TJAP1: variants seen among roughly 807,000 people sequenced by gnomAD.
TJAP1 encodes the protein tight junction-associated protein 1.
In TJAP1, 27 loss-of-function variants were observed where a neutral mutation model predicts 42.0. That is an observed-to-expected ratio of 0.64 (90% CI 0.47 to 0.89). The LOEUF (loss-of-function observed/expected upper bound fraction) is 0.89, where lower values mean the gene tolerates loss of function less well. TJAP1 is among the 40% of genes least tolerant of loss of function. The probability of loss-of-function intolerance (pLI) is 0.00; values close to 1 mark genes in which losing one functional copy is unlikely to be tolerated. For synonymous variants in TJAP1, 257 were observed against 288.4 expected (o/e 0.89, Z 1.10); for missense variants, 712 against 726.9 (o/e 0.98, Z 0.24).
chr6:43,505,036 A>G lies in TJAP1; in HGVS notation c.855A>G (p.Pro285=). The G allele has an allele frequency of 6.2e-7, 1 of 1,613,944 alleles. No individual in the cohort carries two copies. The highest frequency in any genetic ancestry group is 8.5e-7 in the Non-Finnish European group (1 of 1,179,966). ...CCCCGGCCCCTGGCAGCCCCACCCC[A>G]CAACCCAATGGGGAGTGCCACTCTC... Residue 285 remains proline (P), a synonymous_variant, in exon 11 of 11, where the codon CCA becomes CCG. Coordinates refer to ENST00000372449, the Ensembl canonical transcript of TJAP1. The surrounding 1 kb of genome is among the most constrained non-coding windows in gnomAD (Gnocchi z 5.5).
At position 43,498,617 on chromosome 6, in the gene TJAP1, A is replaced by G. The variant is rs1169311002; in HGVS notation, c.-24-361A>G. Reference sequence around the variant, plus strand: ...AATTTAGAGTTGAGAAAACTAATGCATAGAGAGCAGTTTTACCTTCTGAGG... The same window carrying G: ...AATTTAGAGTTGAGAAAACTAATGCGTAGAGAGCAGTTTTACCTTCTGAGG... On this transcript the variant is annotated intron_variant, in intron 3 of 10. Transcript: ENST00000372449. Among the ~76,000 whole-genome samples the G allele has an allele frequency of 2.6e-5, 4 of 152,274 alleles. No homozygotes were observed. The South Asian group carries it at 8.3e-4, about 32-fold the overall frequency.
Position 43,501,553 on chromosome 6 carries a change from T to TCGCCGGCGCCTGGCCTCCGC in TJAP1, c.158_177dup (p.Thr60AlafsTer95). The TCGCCGGCGCCTGGCCTCCGC allele has an allele frequency of 1.2e-6, 2 of 1,613,768 alleles. No homozygotes were observed. The highest frequency in any genetic ancestry group is 8.5e-7 in the Non-Finnish European group (1 of 1,180,000). On this transcript the variant is annotated frameshift_variant, in exon 6 of 11. Transcript: ENST00000372449. LOFTEE classifies it high-confidence loss of function. ...TCTTACAGGAGGAGAATGAAGAGCTTCGCCGGCGCCTGGCCTCCGCCACCA... is the reference window on the plus strand; with the variant it reads ...TCTTACAGGAGGAGAATGAAGAGCTTCGCCGGCGCCTGGCCTCCGCCGCCGGCGCCTGGCCTCCGCCACCA...
At chr6:43,488,293 C>T (rs1330840383) in intron 2 of TJAP1, among the ~76,000 whole-genome samples, 1 of 152,176 alleles carries the variant, frequency 6.6e-6, no homozygotes, top group Non-Finnish European at 1.5e-5. Context: ...CTGTTGGAGC[C>T]GCTGAGGAGC....
Position 43,505,498 on chromosome 6 carries a change from C to T in TJAP1, c.1317C>T (p.Leu439=), listed in dbSNP as rs1440712510. 17 of 1,613,918 alleles carry T rather than the reference C, an allele frequency of 1.1e-5. No homozygotes were observed. The highest frequency in any genetic ancestry group is 1.3e-5 in the African/African-American group (1 of 75,048). Reference sequence around the variant, plus strand: ...GCACAGCCTTTGGACGCGATGCCCTCCCTGAGCTGCAGCGCCATTTTGCCC... The same window carrying T: ...GCACAGCCTTTGGACGCGATGCCCTTCCTGAGCTGCAGCGCCATTTTGCCC... The change falls in exon 11 of 11, where the codon CTC becomes CTT. Residue 439 remains leucine, a synonymous_variant. Transcript: ENST00000372449. The surrounding 1 kb of genome is among the most constrained non-coding windows in gnomAD (Gnocchi z 5.5).
rs188925653 is a variant in TJAP1 at position 43,499,474 on chromosome 6, A to G, written c.99+374A>G. Reference sequence around the variant, plus strand: ...TCAACCTGTGGCCCCTTTGGGGCATATCAGGAGGCAGTGCTACAGCCACTT... The same window carrying G: ...TCAACCTGTGGCCCCTTTGGGGCATGTCAGGAGGCAGTGCTACAGCCACTT... On this transcript the variant is annotated intron_variant, in intron 4 of 10. Transcript: ENST00000372449. Among the ~76,000 whole-genome samples the G allele has an allele frequency of 2.3e-3, 347 of 152,336 alleles. 1 individual carries two copies. The highest frequency in any genetic ancestry group is 3.1e-3 in the Admixed American group (48 of 15,308).
At chr6:43,506,226 G>GT (rs577275176) in exon 11 of TJAP1, 216 of 173,856 alleles carry the variant, frequency 1.2e-3, no homozygotes, top group East Asian at 2.2e-3. Flanking sequence ...TTGTTATTTT[G>GT]TTTTTTTTTG....
At chr6:43,502,726 C>G in intron 8 of TJAP1, 109 bp downstream of exon 8, 2 of 1,221,304 alleles carry the variant, frequency 1.6e-6, no homozygotes, top group Non-Finnish European at 2.4e-6. Flanking sequence ...TACACCCGCT[C>G]CTTTCTCTTC....
intron 2 of TJAP1, among the ~76,000 whole-genome samples, chr6:43,479,370 G>GAT (rs1303922814): frequency 3.3e-5 from 5 of 152,222 alleles, no homozygotes; most frequent in Non-Finnish European, 5.9e-5. Flanking sequence ...AAGAACTGAT[G>GAT]ATATGTAGCT....
intron 5 of TJAP1, 47 bp downstream of exon 5, chr6:43,500,819 T>A: frequency 4.4e-6 from 7 of 1,608,716 alleles, no homozygotes; most frequent in Admixed American, 1.7e-5. Flanking sequence ...ACTCTGTCCC[T>A]CTTAGCTCCA....
At chr6:43,488,778 C>CT (rs1001589819) in intron 2 of TJAP1, among the ~76,000 whole-genome samples, 15 of 152,102 alleles carry the variant, frequency 9.9e-5, no homozygotes, top group African/African-American at 3.6e-4. Context: ...GAGTTGTTGT[C>CT]TTTTTTTTCT....
intron 2 of TJAP1, among the ~76,000 whole-genome samples, chr6:43,485,578 C>T (rs1786268902): frequency 6.6e-6 from 1 of 152,194 alleles, no homozygotes; most frequent in Non-Finnish European, 1.5e-5. Flanking sequence ...CAGCTAGGTA[C>T]CTCTCCTCTG....
chr6:43,482,593 G>A (rs1475223667), intron 2 of TJAP1, among the ~76,000 whole-genome samples: 1 of 152,058 alleles, frequency 6.6e-6, no homozygotes, highest in Admixed American at 6.6e-5. Context: ...GCTTCTGTCC[G>A]ATACTTATGC....
At chr6:43,481,426 G>A (rs1015801641) in intron 2 of TJAP1, among the ~76,000 whole-genome samples, 6 of 151,158 alleles carry the variant, frequency 4.0e-5, no homozygotes, top group African/African-American at 1.5e-4. Flanking sequence ...TTGATTAGCC[G>A]TAGTAAATAT....
At chr6:43,500,801 C>T (rs767428880) in intron 5 of TJAP1, 29 bp downstream of exon 5, 4 of 1,613,262 alleles carry the variant, frequency 2.5e-6, no homozygotes, top group Non-Finnish European at 3.4e-6. Flanking sequence ...AGATACTGCC[C>T]TGCCTCAACT....
chr6:43,490,680 A>G (rs1271913973), intron 2 of TJAP1, among the ~76,000 whole-genome samples: 1 of 151,966 alleles, frequency 6.6e-6, no homozygotes, highest in African/African-American at 2.4e-5. Flanking sequence ...GTGAGATGTC[A>G]CTCCCATTGG....
intron 2 of TJAP1, among the ~76,000 whole-genome samples, chr6:43,485,683 AG>A (rs916869122): frequency 2.6e-5 from 4 of 152,236 alleles, no homozygotes; most frequent in Admixed American, 2.0e-4. Context: ...GAAGCTTCTT[AG>A]GGGCAAGCTT....
chr6:43,488,596 G>A (rs1053329813), intron 2 of TJAP1, among the ~76,000 whole-genome samples: 14 of 152,156 alleles, frequency 9.2e-5, no homozygotes, highest in Non-Finnish European at 1.6e-4. Context: ...TCCTATATTA[G>A]TGCAGTGAGA....
rs1788947089 is a variant in TJAP1 at position 43,495,707 on chromosome 6, C to T, written c.-121-2174C>T. On this transcript the variant is annotated intron_variant, in intron 2 of 10. Transcript: ENST00000372449. This position sits in a 1 kb window ranked among gnomAD's most constrained non-coding sequence, Gnocchi z 4.6. ...CTGTCTGCATTTACTGCCTGTCCCACTGCCAGCTACCTTCTCAGGATACTC... is the reference window on the plus strand; with the variant it reads ...CTGTCTGCATTTACTGCCTGTCCCATTGCCAGCTACCTTCTCAGGATACTC... 1.3e-5 allele frequency among the ~76,000 whole-genome samples: 2 copies of T among 152,216 alleles called. No individual in the cohort carries two copies. Among genetic ancestry groups the T allele is most frequent in the African/African-American group, 2.4e-5 (1 of 41,434 alleles).
chr6:43,490,817 G>A (rs1460671703), intron 2 of TJAP1, among the ~76,000 whole-genome samples: 1 of 152,188 alleles, frequency 6.6e-6, no homozygotes, highest in Non-Finnish European at 1.5e-5. Flanking sequence ...ACCTGGCTTC[G>A]GATTCCACAC....
Sources: gnomAD v4.1 joint callset for allele counts (sites outside exome capture counted in the v4.1 genomes callset) on GRCh38, gnomAD v4.1.1 for gene constraint, Gnocchi (gnomAD v3.1) non-coding constraint, MANE v1.5 for transcripts, NCBI Gene and HGNC (gene_info 2026-07-23, HGNC 2026-07-21) for gene names.